The following RRM2 variants were observed in gnomAD, a reference collection of about 807,000 sequenced individuals.
RRM2 encodes ribonucleotide reductase regulatory subunit M2, also known as ribonucleoside-diphosphate reductase subunit M2.
Under a neutral mutation model 45.9 loss-of-function variants are expected in RRM2, and 6 were observed. The ratio of observed to expected loss-of-function variants is 0.13; its 90% CI spans 0.07 to 0.26. The LOEUF (loss-of-function observed/expected upper bound fraction) is 0.26. RRM2 is among the 10% of genes least tolerant of loss of function. The pLI, the probability that RRM2 is intolerant of heterozygous loss-of-function variation, is 1.00. For synonymous variants in RRM2, 177 were observed against 173.0 expected, an observed-to-expected ratio of 1.02 and a Z score of -0.18; for missense variants, 343 against 489.5, an observed-to-expected ratio of 0.70 and a Z score of 2.82.
intron 3 of RRM2, among the ~76,000 whole-genome samples, chr2:10,168,880 C>T (rs79766039): frequency 6.6e-6 from 1 of 151,150 alleles, no homozygotes; most frequent in African/African-American, 2.5e-5. Context: ...TGGCTCCCAA[C>T]TCCCATCACA....
intron 3 of RRM2, 34 bp downstream of exon 3, chr2:10,123,564 G>T (rs1039447319): frequency 6.3e-7 from 1 of 1,586,844 alleles, no homozygotes; most frequent in African/African-American, 1.4e-5. Context: ...CCCTGCAGGG[G>T]TGACCGTCAC....
At chr2:10,208,164 C>T (rs1053149975) in intron 3 of RRM2, among the ~76,000 whole-genome samples, 1 of 152,052 alleles carries the variant, frequency 6.6e-6, no homozygotes. Flanking sequence ...GGGCTTTTTG[C>T]AGTGATGCTT....
Position 10,126,862 on chromosome 2 carries a change from A to G in RRM2, c.570-13A>G. The G allele has an allele frequency of 6.2e-7, 1 of 1,605,514 alleles. No individual in the cohort carries two copies. The highest frequency in any genetic ancestry group is 1.1e-5 in the South Asian group (1 of 90,532). On this transcript the variant is annotated splice_polypyrimidine_tract_variant and intron_variant, in intron 5 of 9. Coordinates refer to ENST00000304567, the MANE Select transcript of RRM2 (RefSeq NM_001034.4). Reference sequence around the variant, plus strand: ...GTAATGCTTCAATTGCTGATACCGTATGTGCCTACTAGGGAATTTCTCTTC... The same window carrying G: ...GTAATGCTTCAATTGCTGATACCGTGTGTGCCTACTAGGGAATTTCTCTTC...
chr2:10,130,240 A>T lies in RRM2; in HGVS notation c.*854A>T, dbSNP rs536716140. The T allele has an allele frequency of 1.3e-5, 2 of 152,296 alleles. No individual in the cohort carries two copies. Among genetic ancestry groups the T allele is most frequent in the East Asian group, 3.9e-4 (2 of 5,194 alleles). The allele number at this position is 152,296 out of a possible 1,614,324, so 9.4% of individuals were successfully genotyped here. A position where few individuals can be genotyped will look rare whatever the true frequency, so the allele number is the denominator to read the frequency against. The stretch of plus-strand genomic sequence containing the variant: ...CTCAACGTCTGGTTGATGAGAAAAA[A>T]TTCTTGAAGAGTTTTCATATGTGGG... On this transcript the variant is annotated 3_prime_UTR_variant, in exon 10 of 10. Transcript: ENST00000304567.
chr2:10,208,005 A>G (rs760722039), intron 3 of RRM2, among the ~76,000 whole-genome samples: 5 of 152,102 alleles, frequency 3.3e-5, no homozygotes, highest in African/African-American at 1.2e-4. Context: ...GAAATTCTAG[A>G]ATAAGCAGAT....
chr2:10,132,605 G>C (rs910759650), downstream of RRM2, among the ~76,000 whole-genome samples: 2 of 152,206 alleles, frequency 1.3e-5, no homozygotes, highest in Admixed American at 6.5e-5. Context: ...TAAGTGACTG[G>C]TACATGGGGA....
intron 3 of RRM2, among the ~76,000 whole-genome samples, chr2:10,187,476 C>T (rs768462966): frequency 3.3e-5 from 5 of 152,166 alleles, no homozygotes; most frequent in East Asian, 3.9e-4. Flanking sequence ...GCTTTTTCTG[C>T]GTCTCCCCGC....
intron 3 of RRM2, among the ~76,000 whole-genome samples, chr2:10,160,098 T>G (rs1315600878): frequency 6.6e-6 from 1 of 152,192 alleles, no homozygotes; most frequent in African/African-American, 2.4e-5. Flanking sequence ...AGGGGGTTCC[T>G]GCTCTTATGG....
intron 3 of RRM2, among the ~76,000 whole-genome samples, chr2:10,184,550 G>T (rs1006184452): frequency 3.3e-5 from 5 of 152,386 alleles, no homozygotes; most frequent in South Asian, 4.1e-4. Context: ...GGCCCACATG[G>T]CAGGCCCTTT....
chr2:10,202,482 T>G (rs1664584901), intron 3 of RRM2, among the ~76,000 whole-genome samples: 2 of 152,210 alleles, frequency 1.3e-5, no homozygotes, highest in African/African-American at 4.8e-5. Context: ...CTGGCCGATT[T>G]CTCTCAGGGG....
rs778469613 is a variant in RRM2, at chr2:10,210,459, G to C, written n.631G>C. On this transcript the variant is annotated non_coding_transcript_exon_variant, in exon 4 of 4. Coordinates refer to the RRM2 transcript ENST00000381786. ...CCCTGGAGCGACCCTGTTTCAGAAT[G>C]AAGTTATCTGGGTGGGAACTCACCA... The C allele has an allele frequency of 4.4e-6, 6 of 1,367,778 alleles. No homozygotes were observed. The African/African-American group carries it at 8.9e-5, about 20-fold the overall frequency. 84.7% of individuals were successfully genotyped at this position (1,367,778 alleles called of 1,614,324 possible).
Position 10,123,874 on chromosome 2 carries a change from C to T in RRM2, c.435+22C>T, listed in dbSNP as rs200889433. The T allele has an allele frequency of 4.5e-6, 6 of 1,331,750 alleles. No homozygotes were observed. The Admixed American group carries it at 5.1e-5, about 11-fold the overall frequency. 82.5% of individuals were successfully genotyped at this position (1,331,750 alleles called of 1,614,324 possible). ...CTTGGTGAGTTTCCAAAACATCTTT[C>T]ATTCATTTGACGTTGACGATCTGAG... On this transcript the variant is annotated intron_variant, in intron 4 of 9. Transcript: ENST00000304567.
At chr2:10,122,611 C>T (rs1272095705), upstream of RRM2, 2 of 1,514,766 alleles carry the variant, frequency 1.3e-6, no homozygotes, top group African/African-American at 1.4e-5. Flanking sequence ...AGGGGCAAGG[C>T]GCAGCCAATG....
rs1026004548 is a variant in RRM2, at chr2:10,205,461, A to G, written n.483-4850A>G. Among the ~76,000 whole-genome samples, 7 of 152,130 alleles carry G rather than the reference A, an allele frequency of 4.6e-5. No individual in the cohort carries two copies. Among genetic ancestry groups the G allele is most frequent in the African/African-American group, 1.7e-4 (7 of 41,414 alleles). ...TACAGGATGAATGATTCTCTTCTCC[A>G]TTCCCTCTGCTGCTCGTGGACACTC... On this transcript the variant is annotated intron_variant and non_coding_transcript_variant, in intron 3 of 3. Transcript: ENST00000381786. This position sits in a 1 kb window ranked among gnomAD's most constrained non-coding sequence, Gnocchi z 4.8.
Position 10,183,833 on chromosome 2 carries a change from T to C in RRM2, n.483-26478T>C, listed in dbSNP as rs188633208. 7.8e-3 allele frequency among the ~76,000 whole-genome samples: 1,165 copies of C among 148,638 alleles called. 19 individuals are homozygous for C. Among genetic ancestry groups the C allele is most frequent in the African/African-American group, 0.027 (1,097 of 40,216 alleles). On this transcript the variant is annotated intron_variant and non_coding_transcript_variant, in intron 3 of 3. Transcript: ENST00000381786. ...GGCCAGGTGCGGTGGCTCACGCCTG[T>C]AATCCCAGCACTTTGGGAGGCCGAG...
intron 3 of RRM2, chr2:10,142,498 C>G (rs966636303): frequency 6.9e-5 from 72 of 1,040,566 alleles, no homozygotes; most frequent in South Asian, 5.7e-4. Flanking sequence ...CCTGCCAGGT[C>G]GGAAATCCAG....
chr2:10,150,971 G>A (rs948665764), intron 3 of RRM2, among the ~76,000 whole-genome samples: 4 of 150,898 alleles, frequency 2.7e-5, no homozygotes, highest in Non-Finnish European at 4.4e-5. Context: ...CTGCTACCAC[G>A]CCCGACTAAT....
upstream of RRM2, among the ~76,000 whole-genome samples, chr2:10,138,366 C>T (rs1663026876): frequency 6.6e-6 from 1 of 152,124 alleles, no homozygotes; most frequent in Non-Finnish European, 1.5e-5. Context: ...GGGGTTTCTG[C>T]ATGTTGGTCA....
intron 3 of RRM2, 62 bp downstream of exon 3, chr2:10,123,592 A>G (rs1662717049): frequency 1.9e-6 from 3 of 1,566,696 alleles, no homozygotes; most frequent in Non-Finnish European, 2.6e-6. Context: ...ACATAAATGC[A>G]CTTGGAGGTT....
Sources: gnomAD v4.1 joint callset for allele counts (sites outside exome capture counted in the v4.1 genomes callset) on GRCh38, gnomAD v4.1.1 for gene constraint, Gnocchi (gnomAD v3.1) non-coding constraint, MANE v1.5 for transcripts, NCBI Gene and HGNC (gene_info 2026-07-23, HGNC 2026-07-21) for gene names.